The following ADAMTS17 variants were observed in gnomAD, a reference collection of about 807,000 sequenced individuals.
ADAMTS17 encodes ADAM metallopeptidase with thrombospondin type 1 motif 17, also known as A disintegrin and metalloproteinase with thrombospondin motifs 17.
A neutral mutation model predicts 141.5 loss-of-function variants in ADAMTS17; 113 were observed. The ratio of observed to expected loss-of-function variants is 0.80; its 90% CI spans 0.69 to 0.93. ADAMTS17 has a LOEUF of 0.93. ADAMTS17 is among the 40% of genes least tolerant of loss of function. The probability of loss-of-function intolerance (pLI) is 0.00; values close to 1 mark genes in which losing one functional copy is unlikely to be tolerated. For missense variants in ADAMTS17, 1,659 were observed against 1,517.9 expected, an observed-to-expected ratio of 1.09 and a Z score of -1.54; for synonymous variants, 768 against 630.6, an observed-to-expected ratio of 1.22 and a Z score of -3.27.
intron 15 of ADAMTS17, among the ~76,000 whole-genome samples, chr15:100,086,546 C>A (rs948643683): frequency 6.6e-6 from 1 of 152,140 alleles, no homozygotes; most frequent in African/African-American, 2.4e-5. Flanking sequence ...AATATACATT[C>A]TTCTCAGCAC....
chr15:100,205,947 G>A (rs1362873467), intron 7 of ADAMTS17, among the ~76,000 whole-genome samples: 2 of 152,210 alleles, frequency 1.3e-5, no homozygotes, highest in African/African-American at 2.4e-5. Flanking sequence ...AACAAGTGGA[G>A]ACTGGAGAGG....
At chr15:100,308,938 C>T (rs1183281951) in intron 3 of ADAMTS17, among the ~76,000 whole-genome samples, 1 of 152,234 alleles carries the variant, frequency 6.6e-6, no homozygotes, top group African/African-American at 2.4e-5. Flanking sequence ...TTCTGGGTCC[C>T]CAAATACAGC....
At position 100,318,271 on chromosome 15, in the gene ADAMTS17, CCCG is replaced by C. The variant is rs1567530496; in HGVS notation, c.616+12615_616+12617del. Among the ~76,000 whole-genome samples, 4 of 149,250 alleles carry C rather than the reference CCCG, an allele frequency of 2.7e-5. No homozygotes were observed. The East Asian group carries it at 6.4e-4, about 24-fold the overall frequency. On this transcript the variant is annotated intron_variant, in intron 3 of 21. Coordinates refer to ENST00000268070, the MANE Select transcript of ADAMTS17 (RefSeq NM_139057.4). ...TAGATTTACCAGACAAAATCTAACA[CCCG>C]CCCCCCCTTATAGTTTTTTAATACC...
chr15:100,321,927 A>G (rs948413293), intron 3 of ADAMTS17, among the ~76,000 whole-genome samples: 1 of 152,254 alleles, frequency 6.6e-6, no homozygotes, highest in Non-Finnish European at 1.5e-5. Context: ...TTATACATAA[A>G]ACATTTATTA....
intron 7 of ADAMTS17, among the ~76,000 whole-genome samples, chr15:100,199,847 G>A (rs1001315471): frequency 1.3e-5 from 2 of 152,182 alleles, no homozygotes; most frequent in African/African-American, 4.8e-5. Context: ...AGACACCGAG[G>A]GTGCAAGGTT....
At chr15:100,137,055 GA>G (rs1002591462) in intron 10 of ADAMTS17, among the ~76,000 whole-genome samples, 33 of 152,312 alleles carry the variant, frequency 2.2e-4, no homozygotes, top group African/African-American at 7.7e-4. Flanking sequence ...TTAGGCAATG[GA>G]AAAAGATTTT....
chr15:100,307,193 G>A (rs1251329776), intron 3 of ADAMTS17, among the ~76,000 whole-genome samples: 1 of 152,176 alleles, frequency 6.6e-6, no homozygotes, highest in Non-Finnish European at 1.5e-5. Flanking sequence ...CTACCCCAAT[G>A]CTGTGTGATG....
rs368636513 is a variant in ADAMTS17, at chr15:100,048,947, G to C, written c.2501C>G (p.Thr834Ser). The C allele has an allele frequency of 1.8e-5, 29 of 1,614,080 alleles. No individual in the cohort carries two copies. The highest frequency in any genetic ancestry group is 4.0e-5 in the African/African-American group (3 of 74,934). Residue 834 changes from threonine to serine, a missense_variant, in exon 18 of 22, where the codon ACC (threonine) becomes AGC (serine). Physicochemically the swap from Thr to Ser is moderately conservative, Grantham distance 58. Transcript: ENST00000268070. ...IVSCTRIVNK[T>S]TTLVNDSDCP... ...GTCACTGTCGTTCACCAGAGTTGTG[G>C]TCTTGTTGACAATCCGTGTACACGA... is the stretch of plus-strand genomic sequence containing the variant.
At chr15:100,142,805 C>G (rs2038722679) in intron 10 of ADAMTS17, among the ~76,000 whole-genome samples, 1 of 152,222 alleles carries the variant, frequency 6.6e-6, no homozygotes, top group Admixed American at 6.5e-5. Context: ...AAACAATTGT[C>G]TAAGACCTTC....
chr15:100,129,835 C>T (rs969149035), intron 12 of ADAMTS17: 4 of 152,314 alleles, frequency 2.6e-5, no homozygotes, highest in African/African-American at 4.8e-5. Context: ...TGTCCGCTCC[C>T]TCTAGTGGGC....
At chr15:100,063,190 G>A (rs1197499085) in intron 15 of ADAMTS17, among the ~76,000 whole-genome samples, 2 of 152,210 alleles carry the variant, frequency 1.3e-5, no homozygotes, top group Admixed American at 6.5e-5. Flanking sequence ...AGGAATTTGG[G>A]ATACACAGAC....
At chr15:100,181,737 G>A (rs1197507802) in intron 8 of ADAMTS17, among the ~76,000 whole-genome samples, 1 of 152,240 alleles carries the variant, frequency 6.6e-6, no homozygotes, top group Non-Finnish European at 1.5e-5. Flanking sequence ...CCTGAAGGAG[G>A]AGGAAGGAGT....
chr15:100,321,587 A>T (rs1369212259), intron 3 of ADAMTS17, among the ~76,000 whole-genome samples: 1 of 152,230 alleles, frequency 6.6e-6, no homozygotes, highest in Non-Finnish European at 1.5e-5. Flanking sequence ...TGGAAGGACA[A>T]AAGTATTGGC....
Position 99,997,517 on chromosome 15 carries a change from G to T in ADAMTS17, c.2664C>A (p.Cys888Ter). ...GTGTGCCGTTCTGCAGCTGGTACAC[G>T]CAGGTCACCTCCCGGTGCTGGAAGC... ...EKGFQHREVT[C>*]VYQLQNGTHV... The change falls in exon 19 of 22, where the codon TGC (cysteine) becomes TGA (stop). Residue 888 changes from cysteine to a stop codon, truncating the protein, a stop_gained. Coordinates refer to ENST00000268070, the MANE Select transcript of ADAMTS17 (RefSeq NM_139057.4). LOFTEE classifies it high-confidence loss of function. This position sits in a 1 kb window ranked among gnomAD's most constrained non-coding sequence, Gnocchi z 4.7. The T allele has an allele frequency of 6.2e-7, 1 of 1,613,680 alleles. No homozygotes were observed. The highest frequency in any genetic ancestry group is 8.5e-7 in the Non-Finnish European group (1 of 1,180,026).
At chr15:100,292,846 GT>G in intron 3 of ADAMTS17, among the ~76,000 whole-genome samples, 1 of 152,296 alleles carries the variant, frequency 6.6e-6, no homozygotes, top group East Asian at 1.9e-4. Flanking sequence ...TGGATTATAG[GT>G]TTGTCATTCT....
In ADAMTS17 at chr15:100,210,230, C is replaced by CAAAAA. The variant is rs34086690; in HGVS notation, c.1076-10812_1076-10808dup. Among the ~76,000 whole-genome samples, 36 of 31,208 alleles carry CAAAAA rather than the reference C, an allele frequency of 1.2e-3. 1 individual carries two copies. Among genetic ancestry groups the CAAAAA allele is most frequent in the Non-Finnish European group, 1.5e-3 (25 of 16,858 alleles). The allele number at this position is 31,208 out of a possible 152,430, so 20.5% of individuals were successfully genotyped here. A position where few individuals can be genotyped will look rare whatever the true frequency, so the allele number is the denominator to read the frequency against. Reference sequence around the variant, plus strand: ...TGGGAGACAAAGCGAGACTCCATCTCAAAAAAAAAAAAAAAAAAAAAAAAA... The same window carrying CAAAAA: ...TGGGAGACAAAGCGAGACTCCATCTCAAAAAAAAAAAAAAAAAAAAAAAAAAAAAA... On this transcript the variant is annotated intron_variant, in intron 7 of 21. Coordinates refer to ENST00000268070, the MANE Select transcript of ADAMTS17 (RefSeq NM_139057.4).
chr15:100,239,012 A>G (rs904547462), intron 7 of ADAMTS17, among the ~76,000 whole-genome samples: 2 of 152,156 alleles, frequency 1.3e-5, no homozygotes, highest in African/African-American at 4.8e-5. Context: ...AATCACTTGA[A>G]CCAGGAGATG....
rs2060254198 is a variant in ADAMTS17 at position 99,973,480 on chromosome 15, G to C, written c.*922C>G. The C allele has an allele frequency of 6.6e-6, 1 of 152,204 alleles. No individual in the cohort carries two copies. Among genetic ancestry groups the C allele is most frequent in the Non-Finnish European group, 1.5e-5 (1 of 68,046 alleles). 9.4% of individuals were successfully genotyped at this position (152,204 alleles called of 1,614,324 possible). A position where few individuals can be genotyped will look rare whatever the true frequency, so the allele number is the denominator to read the frequency against. ...CTGGGATGTGGTACAGCATCTCTAA[G>C]GTACAAAGCTTTAGGAAGTGCAGGC... On this transcript the variant is annotated 3_prime_UTR_variant, in exon 22 of 22. Transcript: ENST00000268070.
At chr15:100,199,266 G>T in intron 8 of ADAMTS17, 52 bp downstream of exon 8, 1 of 1,488,296 alleles carries the variant, frequency 6.7e-7, no homozygotes, top group Admixed American at 1.7e-5. Flanking sequence ...TGAAAAATCT[G>T]CACTCAAAAA....
Sources: allele counts gnomAD v4.1 joint callset (sites outside exome capture counted in the v4.1 genomes callset), GRCh38; gene constraint gnomAD v4.1.1; non-coding constraint Gnocchi (gnomAD v3.1); transcripts MANE v1.5; gene names NCBI Gene and HGNC (gene_info 2026-07-23, HGNC 2026-07-21).